The following RBFOX1 variants were observed in gnomAD, a reference collection of about 807,000 sequenced individuals.
The protein encoded by RBFOX1 is RNA binding protein fox-1 homolog 1.
RBFOX1 carries 8 observed loss-of-function variants against 57.7 expected under a neutral mutation model. That is an observed-to-expected ratio of 0.14 (90% CI 0.08 to 0.25). The LOEUF is 0.25. Among genes scored for constraint, RBFOX1 ranks in the 10% least tolerant of loss-of-function variants. The pLI, the probability that RBFOX1 is intolerant of heterozygous loss-of-function variation, is 1.00. For synonymous variants in RBFOX1, 326 were observed against 222.4 expected (o/e 1.47, Z -4.15); for missense variants, 611 against 548.5 (o/e 1.11, Z -1.14).
chr16:5,445,470 T>TTATC (rs1404853400), intron 1 of RBFOX1, among the ~76,000 whole-genome samples: 1 of 152,174 alleles, frequency 6.6e-6, no homozygotes, highest in Admixed American at 6.5e-5. Context: ...ATATAGTAGG[T>TTATC]GATATTTGTT....
intron 2 of RBFOX1, among the ~76,000 whole-genome samples, chr16:5,597,344 C>T (rs1221847902): frequency 6.6e-6 from 1 of 150,694 alleles, no homozygotes; most frequent in Non-Finnish European, 1.5e-5. Context: ...ACACACGACC[C>T]TCTCTCTGCC....
chr16:6,903,020 T>C (rs190650435), intron 3 of RBFOX1, among the ~76,000 whole-genome samples: 1 of 152,242 alleles, frequency 6.6e-6, no homozygotes, highest in Admixed American at 6.5e-5. Context: ...TAACTTCAAA[T>C]GAGATGACTG....
intron 3 of RBFOX1, among the ~76,000 whole-genome samples, chr16:6,851,299 G>C (rs1180922921): frequency 6.6e-6 from 1 of 152,128 alleles, no homozygotes; most frequent in African/African-American, 2.4e-5. Context: ...TGACAGTAGG[G>C]TGTGGTCATA....
chr16:7,590,863 GAAAAAAAAAAAA>G (rs36061659), intron 7 of RBFOX1, among the ~76,000 whole-genome samples: 1 of 102,924 alleles, frequency 9.7e-6, no homozygotes, highest in Middle Eastern at 4.5e-3. Flanking sequence ...CTGTCTCTAA[GAAAAAAAAAAAA>G]AAAAAAAAAG....
intron 1 of RBFOX1, among the ~76,000 whole-genome samples, chr16:5,385,817 C>T (rs1330443753): frequency 6.6e-6 from 1 of 152,166 alleles, no homozygotes; most frequent in East Asian, 1.9e-4. Context: ...CCTCAATCAG[C>T]ACCAATATTG....
At chr16:6,333,330 C>T (rs1480406595) in intron 2 of RBFOX1, among the ~76,000 whole-genome samples, 1 of 152,208 alleles carries the variant, frequency 6.6e-6, no homozygotes, top group African/African-American at 2.4e-5. Flanking sequence ...CAGGTGTGAG[C>T]CACTGCGCCC....
intron 3 of RBFOX1, among the ~76,000 whole-genome samples, chr16:5,809,932 C>A (rs1213960408): frequency 6.6e-6 from 1 of 152,054 alleles, no homozygotes; most frequent in Admixed American, 6.6e-5. Context: ...ACCCAAATGT[C>A]CAACAATGAT....
intron 4 of RBFOX1, among the ~76,000 whole-genome samples, chr16:7,516,332 A>G (rs1413764537): frequency 6.6e-6 from 1 of 152,020 alleles, no homozygotes; most frequent in South Asian, 2.1e-4. Context: ...CCATGGGACT[A>G]TCTCAGTGGG....
intron 2 of RBFOX1, among the ~76,000 whole-genome samples, chr16:6,390,050 C>G (rs1030294984): frequency 6.6e-6 from 1 of 152,168 alleles, no homozygotes; most frequent in Non-Finnish European, 1.5e-5. Flanking sequence ...CTTCTCATGG[C>G]TGTGAAATGA....
intron 1 of RBFOX1, among the ~76,000 whole-genome samples, chr16:6,257,175 A>G (rs940704099): frequency 1.3e-5 from 2 of 152,100 alleles, no homozygotes; most frequent in Non-Finnish European, 1.5e-5. Context: ...ACAGGTAAAC[A>G]TGTGCCACAG....
chr16:5,909,768 G>A (rs1245506561), intron 4 of RBFOX1, among the ~76,000 whole-genome samples: 5 of 152,090 alleles, frequency 3.3e-5, no homozygotes, highest in African/African-American at 9.7e-5. Flanking sequence ...TTTTAGCAAC[G>A]TGGCTGGGCG....
intron 4 of RBFOX1, among the ~76,000 whole-genome samples, chr16:7,115,311 G>A (rs188152148): frequency 5.3e-5 from 8 of 152,262 alleles, no homozygotes; most frequent in Admixed American, 2.6e-4. Flanking sequence ...TGCCAGCAAC[G>A]TTGCTAGGCT....
At chr16:6,380,293 T>C (rs2091659320) in intron 2 of RBFOX1, among the ~76,000 whole-genome samples, 1 of 151,622 alleles carries the variant, frequency 6.6e-6, no homozygotes, top group Non-Finnish European at 1.5e-5. Context: ...ATGTTCTCCT[T>C]GGAAAGAGAA....
intron 3 of RBFOX1, among the ~76,000 whole-genome samples, chr16:5,683,610 C>G (rs2050412256): frequency 1.3e-5 from 2 of 152,008 alleles, no homozygotes; most frequent in South Asian, 2.1e-4. Flanking sequence ...GCCTCCTGCC[C>G]TTGAACATCA....
chr16:5,994,223 G>T (rs1194419247), intron 4 of RBFOX1, among the ~76,000 whole-genome samples: 2 of 152,186 alleles, frequency 1.3e-5, no homozygotes, highest in East Asian at 3.9e-4. Context: ...GTACAGTGGT[G>T]CAATCTTGGC....
intron 1 of RBFOX1, among the ~76,000 whole-genome samples, chr16:5,399,414 AT>A (rs1250390710): frequency 6.6e-6 from 1 of 152,238 alleles, no homozygotes; most frequent in Admixed American, 6.5e-5. Context: ...CTCGTAGAAA[AT>A]TTGGGAAATG....
At chr16:6,835,457 G>T (rs1489559967) in intron 3 of RBFOX1, among the ~76,000 whole-genome samples, 1 of 152,020 alleles carries the variant, frequency 6.6e-6, no homozygotes, top group Non-Finnish European at 1.5e-5. Flanking sequence ...CACAATTTAA[G>T]TTTCTATCTT....
At chr16:6,446,900 C>T (rs912587972) in intron 2 of RBFOX1, among the ~76,000 whole-genome samples, 1 of 152,114 alleles carries the variant, frequency 6.6e-6, no homozygotes, top group Non-Finnish European at 1.5e-5. Flanking sequence ...ATTTCCCAAA[C>T]CATTGCCAAA....
intron 3 of RBFOX1, among the ~76,000 whole-genome samples, chr16:6,953,466 A>G (rs112456400): frequency 0.049 from 7,507 of 151,940 alleles, 497 homozygotes; most frequent in African/African-American, 0.15. Context: ...GCTCACCGCA[A>G]CCTCCACCTC....
Sources: gnomAD v4.1 joint callset for allele counts (sites outside exome capture counted in the v4.1 genomes callset) on GRCh38, gnomAD v4.1.1 for gene constraint, MANE v1.5 for transcripts, NCBI Gene and HGNC (gene_info 2026-07-23, HGNC 2026-07-21) for gene names.